Variants in SUN2 observed in about 807,000 individuals in gnomAD.
The protein encoded by SUN2 is Sad1 and UNC84 domain containing 2, also known as SUN domain-containing protein 2.
SUN2 carries 60 observed loss-of-function variants against 100.0 expected under a neutral mutation model. The ratio of observed to expected loss-of-function variants is 0.60; its 90% confidence interval spans 0.49 to 0.74. The LOEUF (loss-of-function observed/expected upper bound fraction) is 0.74, where lower values mean the gene tolerates loss of function less well. Ranked by LOEUF, SUN2 falls within the 30% of genes least tolerant of loss-of-function variation. The pLI is 0.00. For missense variants in SUN2, 834 were observed against 954.6 expected, an observed-to-expected ratio of 0.87 and a Z score of 1.66; for synonymous variants, 367 against 403.3, an observed-to-expected ratio of 0.91 and a Z score of 1.08.
Position 38,738,761 on chromosome 22 carries a change from G to A in SUN2, c.1780-7C>T. ...TGCCTGGGTGCACATCTGGCTGGAGGAGCAGAAAGTCATGTCAGGACAGGG... is the reference window on the plus strand; with the variant it reads ...TGCCTGGGTGCACATCTGGCTGGAGAAGCAGAAAGTCATGTCAGGACAGGG... On this transcript the variant is annotated splice_region_variant and splice_polypyrimidine_tract_variant and intron_variant, in intron 15 of 17. Coordinates refer to ENST00000689035, the MANE Select transcript of SUN2 (RefSeq NM_015374.3). This position sits in a 1 kb window ranked among gnomAD's most constrained non-coding sequence, Gnocchi z 6.6. The A allele has an allele frequency of 6.2e-7, 1 of 1,612,798 alleles. No homozygotes were observed. The highest frequency in any genetic ancestry group is 8.5e-7 in the Non-Finnish European group (1 of 1,179,496).
chr22:38,750,216 G>A lies in SUN2; in HGVS notation c.520+9C>T. The stretch of plus-strand genomic sequence containing the variant: ...GAATGGAAGTAACTGGGCACGGGTT[G>A]CAGCCCACCTGGCGAAGTGGCCACC... On this transcript the variant is annotated intron_variant, in intron 5 of 17. Coordinates refer to ENST00000689035, the MANE Select transcript of SUN2 (RefSeq NM_015374.3). The A allele has an allele frequency of 3.1e-6, 5 of 1,608,574 alleles. No homozygotes were observed. The highest frequency in any genetic ancestry group is 4.3e-6 in the Non-Finnish European group (5 of 1,175,664).
chr22:38,735,161 C>A lies in SUN2; in HGVS notation c.*1106G>T, dbSNP rs551068411. ...TGGCTCTAAAAGTCCCCTCCTCCCC[C>A]TTCCCTATCCAGGGTAACTTCTGCC... On this transcript the variant is annotated 3_prime_UTR_variant, in exon 18 of 18. Coordinates refer to ENST00000689035, the MANE Select transcript of SUN2 (RefSeq NM_015374.3). 10 of 438,982 alleles carry A rather than the reference C, an allele frequency of 2.3e-5. No homozygotes were observed. Among genetic ancestry groups the A allele is most frequent in the Middle Eastern group, 3.6e-4 (1 of 2,808 alleles). 27.2% of individuals were successfully genotyped at this position (438,982 alleles called of 1,614,324 possible). A position where few individuals can be genotyped will look rare whatever the true frequency, so the allele number is the denominator to read the frequency against.
rs1465038189 is a variant in SUN2 at position 38,751,006 on chromosome 22, C to T, written c.316G>A (p.Gly106Ser). The change falls in exon 4 of 18, where the codon GGC becomes AGC. Residue 106 changes from glycine (G) to serine (S), a missense_variant. By Grantham distance (56) the Gly-to-Ser change is moderately conservative. This residue lies in a region of SUN2 where 559 missense variants were observed against 597.7 expected (regional missense o/e 0.94). Coordinates refer to ENST00000689035, the MANE Select transcript of SUN2 (RefSeq NM_015374.3). Reference sequence around the variant, plus strand: ...CTGCTGCTCTCTGAGCCACCCGTGCCTCTCCTCCTCCGCACCCGCAGGTCC... The same window carrying T: ...CTGCTGCTCTCTGAGCCACCCGTGCTTCTCCTCCTCCGCACCCGCAGGTCC... ...GEDLRVRRRR[G>S]TGGSESSRAS... 1 of 1,613,542 alleles carries T rather than the reference C, an allele frequency of 6.2e-7. No homozygotes were observed. Among genetic ancestry groups the T allele is most frequent in the Admixed American group, 1.7e-5 (1 of 59,988 alleles).
Position 38,740,339 on chromosome 22 carries a change from C to A in SUN2, c.1284G>T (p.Leu428=). The A allele has an allele frequency of 1.3e-6, 2 of 1,590,432 alleles. No individual in the cohort carries two copies. Among genetic ancestry groups the A allele is most frequent in the East Asian group, 2.3e-5 (1 of 43,748 alleles). The change falls in exon 12 of 18, where the codon CTG becomes CTT. Residue 428 remains leucine, a synonymous_variant. Transcript: ENST00000689035. The surrounding 1 kb of genome is among the most constrained non-coding windows in gnomAD (Gnocchi z 4.8). Reference sequence around the variant, plus strand: ...CCGCCACCGAGCTCTGCTTCAGTGCCAGAGCCGCCAGCTCCTGCTGCAGGC... The same window carrying A: ...CCGCCACCGAGCTCTGCTTCAGTGCAAGAGCCGCCAGCTCCTGCTGCAGGC... ...LAGLQQELAA[L]ALKQSSVAEE...
Position 38,752,493 on chromosome 22 carries a change from C to A in SUN2, c.122+14G>T. Reference sequence around the variant, plus strand: ...GGGGCTGTCAGGGGCCGTGGCACTCCCTTGGGTCCCTACCTGAGAGGACTG... The same window carrying A: ...GGGGCTGTCAGGGGCCGTGGCACTCACTTGGGTCCCTACCTGAGAGGACTG... On this transcript the variant is annotated intron_variant, in intron 2 of 17. Coordinates refer to ENST00000689035, the MANE Select transcript of SUN2 (RefSeq NM_015374.3). 6.2e-7 allele frequency: 1 copy of A among 1,603,690 alleles called. No individual in the cohort carries two copies. The highest frequency in any genetic ancestry group is 8.5e-7 in the Non-Finnish European group (1 of 1,172,050).
Position 38,742,539 on chromosome 22 carries a change from A to G in SUN2, c.830T>C (p.Met277Thr). 1.9e-6 allele frequency: 3 copies of G among 1,612,074 alleles called. No individual in the cohort carries two copies. The highest frequency in any genetic ancestry group is 2.2e-5 in the East Asian group (1 of 44,860). ...SPHFQAEQRV[M>T]SRVHSLERRL... ...CCGCTCCAGAGAGTGTACCCGGGAC[A>G]TAACACGCTGCTCAGCCTGGAAGGG... Residue 277 changes from methionine to threonine, a missense_variant, in exon 9 of 18, where the codon ATG (methionine) becomes ACG (threonine). Physicochemically the swap from Met to Thr is moderately conservative, Grantham distance 81. Around this residue, in one of 3 missense-constraint regions of SUN2, gnomAD observed 559 missense variants for 597.7 expected, o/e 0.94. Transcript: ENST00000689035.
chr22:38,751,478 G>T, intron 2 of SUN2, 105 bp from the exon 3 acceptor site: 2 of 1,309,754 alleles, frequency 1.5e-6, no homozygotes, highest in East Asian at 2.4e-5. Flanking sequence ...CAGGGTGTGG[G>T]TTCCCTTGTT....
Position 38,750,316 on chromosome 22 carries a change from G to T in SUN2, c.429C>A (p.Tyr143Ter). The T allele has an allele frequency of 6.2e-7, 1 of 1,613,940 alleles. No individual in the cohort carries two copies. Among genetic ancestry groups the T allele is most frequent in the Non-Finnish European group, 8.5e-7 (1 of 1,180,024 alleles). Residue 143 changes from tyrosine (Y) to a stop codon, truncating the protein, a stop_gained, in exon 5 of 18, where the codon TAC becomes TAA. Transcript: ENST00000689035. LOFTEE classifies it high-confidence loss of function. Reference protein sequence around the residue: ...GYSSEDDYVGYSDVDQQSSSS... With the variant: ...GYSSEDDYVG ...TGGAACTCTGCTGGTCCACATCCGAGTAGCCTGCGGGGAACGAGGACACTG... is the reference window on the plus strand; with the variant it reads ...TGGAACTCTGCTGGTCCACATCCGATTAGCCTGCGGGGAACGAGGACACTG...
rs893546057 is a variant in SUN2 at position 38,734,961 on chromosome 22, C to A, written c.*1306G>T. ...TGCCCGCCTTCTTGCCCCTTCCCCGCAGCCAGACCACCAGACACAGCCGGA... is the reference window on the plus strand; with the variant it reads ...TGCCCGCCTTCTTGCCCCTTCCCCGAAGCCAGACCACCAGACACAGCCGGA... On this transcript the variant is annotated 3_prime_UTR_variant, in exon 18 of 18. Coordinates refer to ENST00000689035, the MANE Select transcript of SUN2 (RefSeq NM_015374.3). 1.1e-5 allele frequency: 3 copies of A among 268,750 alleles called. No homozygotes were observed. Among genetic ancestry groups the A allele is most frequent in the Non-Finnish European group, 2.2e-5 (3 of 134,524 alleles). 16.6% of individuals were successfully genotyped at this position (268,750 alleles called of 1,614,324 possible).
At position 38,740,634 on chromosome 22, in the gene SUN2, C is replaced by G; in HGVS notation, c.1191-202G>C. The G allele has an allele frequency of 1.7e-6, 1 of 575,786 alleles. No individual in the cohort carries two copies. The highest frequency in any genetic ancestry group is 3.0e-6 in the Non-Finnish European group (1 of 332,844). The allele number at this position is 575,786 out of a possible 1,614,324, so 35.7% of individuals were successfully genotyped here. A position where few individuals can be genotyped will look rare whatever the true frequency, so the allele number is the denominator to read the frequency against. ...CCTGTCCCAAGGAGCTAATTCTGAG[C>G]CTGCTCCCTTTCTAAGCCCAGAGTC... On this transcript the variant is annotated intron_variant, in intron 11 of 17. Coordinates refer to ENST00000689035, the MANE Select transcript of SUN2 (RefSeq NM_015374.3). This position sits in a 1 kb window ranked among gnomAD's most constrained non-coding sequence, Gnocchi z 4.8.
At position 38,737,810 on chromosome 22, in the gene SUN2, C is replaced by T; in HGVS notation, c.2040+363G>A. 4.3e-6 allele frequency: 2 copies of T among 462,944 alleles called. No homozygotes were observed. Among genetic ancestry groups the T allele is most frequent in the Non-Finnish European group, 8.6e-6 (2 of 233,778 alleles). 28.7% of individuals were successfully genotyped at this position (462,944 alleles called of 1,614,324 possible). On this transcript the variant is annotated intron_variant, in intron 17 of 17. Coordinates refer to ENST00000689035, the MANE Select transcript of SUN2 (RefSeq NM_015374.3). This position sits in a 1 kb window ranked among gnomAD's most constrained non-coding sequence, Gnocchi z 4.1. Reference sequence around the variant, plus strand: ...CTGAAGTTTAAGCCGCATGCACTGCCTGAGGCTCCAGCTGGCCATGGTAGA... The same window carrying T: ...CTGAAGTTTAAGCCGCATGCACTGCTTGAGGCTCCAGCTGGCCATGGTAGA...
Position 38,739,007 on chromosome 22 carries a change from G to T in SUN2, c.1664-19C>A, listed in dbSNP as rs2092831394. 3 of 1,597,138 alleles carry T rather than the reference G, an allele frequency of 1.9e-6. No homozygotes were observed. The African/African-American group carries it at 4.0e-5, about 21-fold the overall frequency. ...CTGGCCCCTGAGACAGGAGAGGAAG[G>T]CAGGGTGGGCTCCCGCACGGGAGGA... is the stretch of plus-strand genomic sequence containing the variant. On this transcript the variant is annotated intron_variant, in intron 14 of 17. Coordinates refer to ENST00000689035, the MANE Select transcript of SUN2 (RefSeq NM_015374.3). This position sits in a 1 kb window ranked among gnomAD's most constrained non-coding sequence, Gnocchi z 6.7.
rs369713272 is a variant in SUN2 at position 38,738,857 on chromosome 22, C to T, written c.1779+16G>A. ...TGTGCTCAGAGCCCCCGCTGCTGTG[C>T]TTGCCAGGTGCCCACCTGGAGGATG... is the stretch of plus-strand genomic sequence containing the variant. On this transcript the variant is annotated intron_variant, in intron 15 of 17. Transcript: ENST00000689035. This position sits in a 1 kb window ranked among gnomAD's most constrained non-coding sequence, Gnocchi z 6.6. The T allele has an allele frequency of 1.9e-6, 3 of 1,598,312 alleles. No individual in the cohort carries two copies. The highest frequency in any genetic ancestry group is 2.6e-6 in the Non-Finnish European group (3 of 1,169,724).
In SUN2 at chr22:38,739,767, CAG is replaced by C. The variant is rs2092838221; in HGVS notation, c.1531_1532del (p.Leu511GlufsTer30). 5 of 1,613,572 alleles carry C rather than the reference CAG, an allele frequency of 3.1e-6. No homozygotes were observed. Among genetic ancestry groups the C allele is most frequent in the African/African-American group, 1.3e-5 (1 of 74,942 alleles). ...CACCTTCTTTCTGCAGCGTCAGGCT[CAG>C]GGAGGCCGCGGCTTCCCTGGCCGAC... The part of the protein sequence containing the change: ...GKSAREAAAS[L>X]SLTLQKEGVI... On this transcript the variant is annotated frameshift_variant, in exon 13 of 18. Coordinates refer to ENST00000689035, the MANE Select transcript of SUN2 (RefSeq NM_015374.3). LOFTEE classifies it high-confidence loss of function. This position sits in a 1 kb window ranked among gnomAD's most constrained non-coding sequence, Gnocchi z 6.7.
At chr22:38,747,491 G>A (rs904782856) in intron 7 of SUN2, among the ~76,000 whole-genome samples, 1 of 152,180 alleles carries the variant, frequency 6.6e-6, no homozygotes, top group African/African-American at 2.4e-5. Flanking sequence ...AATACAAGTT[G>A]AATGATATTA....
At chr22:38,750,112 TC>T in intron 5 of SUN2, 112 bp downstream of exon 5, 1 of 1,470,018 alleles carries the variant, frequency 6.8e-7, no homozygotes, top group Non-Finnish European at 9.1e-7. Context: ...GAATGACCTT[TC>T]CCCAATGGTC....
At position 38,738,790 on chromosome 22, in the gene SUN2, T is replaced by C. The variant is rs1288829331; in HGVS notation, c.1780-36A>G. ...AGAAAGTCATGTCAGGACAGGGCCC[T>C]GAGTCCAGCTCTTGCTGACCCCAGA... is the stretch of plus-strand genomic sequence containing the variant. On this transcript the variant is annotated intron_variant, in intron 15 of 17. Transcript: ENST00000689035. The surrounding 1 kb of genome is among the most constrained non-coding windows in gnomAD (Gnocchi z 6.6). 7 of 1,606,692 alleles carry C rather than the reference T, an allele frequency of 4.4e-6. No individual in the cohort carries two copies. Among genetic ancestry groups the C allele is most frequent in the Non-Finnish European group, 5.1e-6 (6 of 1,175,236 alleles).
At position 38,755,720 on chromosome 22, in the gene SUN2, G is replaced by A; in HGVS notation, c.-38+43C>T. On this transcript the variant is annotated intron_variant, in intron 1 of 17. Coordinates refer to ENST00000689035, the MANE Select transcript of SUN2 (RefSeq NM_015374.3). The surrounding 1 kb of genome is among the most constrained non-coding windows in gnomAD (Gnocchi z 5.7). ...CCGACGGTGACCCGGGGTCAGGCCG[G>A]GCCGCGGCCCCCCAACCCTCTCCTG... The A allele has an allele frequency of 1.0e-6, 1 of 984,992 alleles. No individual in the cohort carries two copies. The highest frequency in any genetic ancestry group is 4.7e-5 in the South Asian group (1 of 21,290). The allele number at this position is 984,992 out of a possible 1,614,324, so 61.0% of individuals were successfully genotyped here. A position where few individuals can be genotyped will look rare whatever the true frequency, so the allele number is the denominator to read the frequency against.
At position 38,750,954 on chromosome 22, in the gene SUN2, G is replaced by A. The variant is rs2092940425; in HGVS notation, c.368C>T (p.Ala123Val). ...SRASGLVGRK[A>V]TEDFLGSSSG... ...GGAAGAGCCCAGGAAGTCCTCGGTG[G>A]CCTTGCGCCCCACAAGCCCGCTGGC... The change falls in exon 4 of 18, where the codon GCC becomes GTC. Residue 123 changes from alanine (A) to valine (V), a missense_variant. This residue lies in a region of SUN2 where 559 missense variants were observed against 597.7 expected (regional missense o/e 0.94). Coordinates refer to ENST00000689035, the MANE Select transcript of SUN2 (RefSeq NM_015374.3). The A allele has an allele frequency of 6.2e-7, 1 of 1,613,776 alleles. No individual in the cohort carries two copies. The highest frequency in any genetic ancestry group is 1.3e-5 in the African/African-American group (1 of 74,926).
Sources: gnomAD v4.1 joint callset for allele counts (sites outside exome capture counted in the v4.1 genomes callset) on GRCh38, gnomAD v4.1.1 for gene constraint, gnomAD v4.1.1 regional missense constraint, Gnocchi (gnomAD v3.1) non-coding constraint, MANE v1.5 for transcripts, NCBI Gene and HGNC (gene_info 2026-07-23, HGNC 2026-07-21) for gene names.